ATG9B: variants seen among roughly 807,000 people sequenced by gnomAD.
ATG9B encodes the protein autophagy related 9B.
A neutral mutation model predicts 92.9 loss-of-function variants in ATG9B; 92 were observed. That is an observed-to-expected ratio of 0.99 (90% CI 0.84 to 1.18). The LOEUF is 1.18. Ranked by LOEUF, ATG9B falls within the 50% of genes most tolerant of loss-of-function variation. ATG9B has a pLI of 0.00. For synonymous variants in ATG9B, 599 were observed against 551.4 expected (o/e 1.09, Z -1.21); for missense variants, 1,344 against 1,235.0 (o/e 1.09, Z -1.32).
downstream of ATG9B, chr7:151,014,285 A>G: frequency 9.5e-7 from 1 of 1,053,684 alleles, no homozygotes; most frequent in Non-Finnish European, 1.3e-6. Flanking sequence ...ACATCTGTCC[A>G]GAGGCTGCAA....
At chr7:151,012,318 A>C (rs1159446195), downstream of ATG9B, 2 of 1,534,934 alleles carry the variant, frequency 1.3e-6, no homozygotes. Context: ...CAGGAAAGGC[A>C]AAGGGGACCT....
At chr7:151,013,772 C>T (rs1317099509), downstream of ATG9B, 19 of 1,611,362 alleles carry the variant, frequency 1.2e-5, no homozygotes, top group Non-Finnish European at 1.6e-5. Context: ...GGAGGTGCAC[C>T]GCGTGCTGTG....
Position 151,015,710 on chromosome 7 carries a change from G to A in ATG9B, c.*18C>T. The A allele has an allele frequency of 1.1e-6, 1 of 880,922 alleles. No individual in the cohort carries two copies. Among genetic ancestry groups the A allele is most frequent in the Non-Finnish European group, 1.6e-6 (1 of 626,868 alleles). 54.6% of individuals were successfully genotyped at this position (880,922 alleles called of 1,614,324 possible). ...ATCTCCTGTGGCTGCCGAAGCCAGG[G>A]TACCTGTGGGAGGAGACGGCTCTTG... On this transcript the variant is annotated 3_prime_UTR_variant, in exon 14 of 14. Transcript: ENST00000639579.
In ATG9B at chr7:151,019,086, GC is replaced by G. The variant is rs1795647284; in HGVS notation, c.1251del (p.Glu417AspfsTer15). On this transcript the variant is annotated frameshift_variant, in exon 6 of 14. Coordinates refer to ENST00000639579, the MANE Select transcript of ATG9B (RefSeq NM_001317056.2). LOFTEE classifies it high-confidence loss of function. ...GPFSLFRGGW[E>X]LPHAYKRSDQ... ...TCGCTGCGCTTGTAGGCGTGCGGCA[GC>G]TCCCAGCCCCCGCGGAAGAGCGAGA... 18 of 1,535,810 alleles carry G rather than the reference GC, an allele frequency of 1.2e-5. No homozygotes were observed. The highest frequency in any genetic ancestry group is 1.5e-5 in the Non-Finnish European group (17 of 1,146,468).
At chr7:151,012,354 T>C (rs1019475679), downstream of ATG9B, 1 of 1,560,684 alleles carries the variant, frequency 6.4e-7, no homozygotes, top group African/African-American at 1.3e-5. Context: ...CTGCCAGGGC[T>C]CCCTCCTTCC....
Position 151,018,348 on chromosome 7 carries a change from G to A in ATG9B, c.1818C>T (p.Pro606=), listed in dbSNP as rs769023129. Residue 606 remains proline (P), a synonymous_variant, in exon 7 of 14, where the codon CCC becomes CCT. Coordinates refer to ENST00000639579, the MANE Select transcript of ATG9B (RefSeq NM_001317056.2). The surrounding 1 kb of genome is among the most constrained non-coding windows in gnomAD (Gnocchi z 4.7). ...GCCGGTAGGCGCGGTCCCTGCCGCC[G>A]GGGCCGGGCTCCTCCGGGAGGTAGT... The part of the protein sequence containing the change: ...HMHYLPEEPG[P]GGRDRAYRQM... 1 of 1,596,730 alleles carries A rather than the reference G, an allele frequency of 6.3e-7. No homozygotes were observed. The highest frequency in any genetic ancestry group is 8.5e-7 in the Non-Finnish European group (1 of 1,173,954).
rs1185505119 is a variant in ATG9B at position 151,016,514 on chromosome 7, C to T, written c.2437G>A (p.Gly813Arg). 7 of 1,550,986 alleles carry T rather than the reference C, an allele frequency of 4.5e-6. No homozygotes were observed. Among genetic ancestry groups the T allele is most frequent in the Non-Finnish European group, 6.1e-6 (7 of 1,146,948 alleles). ...IAQDPSSVSP[G>R]GTGGQKLAQL... is the part of the protein sequence containing the mutation. ...GCCAGCTTCTGGCCCCCAGTGCCTC[C>T]TGGGGACACAGAGCTGGAACATAAC... The change falls in exon 11 of 14, where the codon GGA (glycine) becomes AGA (arginine). Residue 813 changes from glycine (G) to arginine (R), a missense_variant. Gly to Arg is a moderately radical substitution (Grantham distance 125). Coordinates refer to ENST00000639579, the MANE Select transcript of ATG9B (RefSeq NM_001317056.2).
rs769253185 is a variant in ATG9B at position 151,015,940 on chromosome 7, TG to T, written c.2730del (p.Thr911GlnfsTer34). 76 of 1,551,672 alleles carry T rather than the reference TG, an allele frequency of 4.9e-5. No individual in the cohort carries two copies. The East Asian group carries it at 8.8e-4, about 18-fold the overall frequency. On this transcript the variant is annotated frameshift_variant, in exon 13 of 14. Coordinates refer to ENST00000639579, the MANE Select transcript of ATG9B (RefSeq NM_001317056.2). LOFTEE classifies it high-confidence loss of function. ...CGGTCAGGCTCCTTCTGGGTGTCTG[TG>T]GTCACCTGAAACCCTCCGGGGAACA... Reference protein sequence around the residue: ...RNLFPGGFQVTTDTQKEPDRA... With the variant: ...RNLFPGGFQVXTDTQKEPDRA...
Position 151,016,725 on chromosome 7 carries a change from G to A in ATG9B, c.2386C>T (p.Leu796Phe). 1 of 1,610,758 alleles carries A rather than the reference G, an allele frequency of 6.2e-7. No homozygotes were observed. Among genetic ancestry groups the A allele is most frequent in the Non-Finnish European group, 8.5e-7 (1 of 1,178,510 alleles). The change falls in exon 10 of 14, where the codon CTC becomes TTC. Residue 796 changes from leucine to phenylalanine, a missense_variant. Leu to Phe is a conservative substitution (Grantham distance 22). Transcript: ENST00000639579. ...APCPAAATAS[L>F]LASISRIAQD... is the part of the protein sequence containing the mutation. Reference sequence around the variant, plus strand: ...GCAATTCGGGAAATGGAGGCAAGGAGGCTGGCTGTGGCCGCAGCTGGACAG... The same window carrying A: ...GCAATTCGGGAAATGGAGGCAAGGAAGCTGGCTGTGGCCGCAGCTGGACAG...
chr7:151,012,597 G>A (rs376032615), downstream of ATG9B: 44 of 1,235,526 alleles, frequency 3.6e-5, 1 homozygote, highest in Middle Eastern at 6.4e-4. Flanking sequence ...CTGAAAAGAC[G>A]CTCATGAGAC....
Position 151,018,248 on chromosome 7 carries a change from A to G in ATG9B, c.1872+46T>C. On this transcript the variant is annotated intron_variant, in intron 7 of 13. Coordinates refer to ENST00000639579, the MANE Select transcript of ATG9B (RefSeq NM_001317056.2). This position sits in a 1 kb window ranked among gnomAD's most constrained non-coding sequence, Gnocchi z 4.7. ...GCGCAGACAGACCCTCCGCGCAGAC[A>G]GACCCCACAACTTCCTCCTCAGCCC... is the stretch of plus-strand genomic sequence containing the variant. The G allele has an allele frequency of 1.3e-6, 2 of 1,510,986 alleles. No homozygotes were observed. Among genetic ancestry groups the G allele is most frequent in the Non-Finnish European group, 1.8e-6 (2 of 1,139,024 alleles). 93.6% of individuals were successfully genotyped at this position (1,510,986 alleles called of 1,614,324 possible).
At position 151,023,468 on chromosome 7, in the gene ATG9B, C is replaced by G; in HGVS notation, c.636G>C (p.Leu212Phe). Residue 212 changes from leucine to phenylalanine, a missense_variant, in exon 3 of 14, where the codon TTG (leucine) becomes TTC (phenylalanine). Coordinates refer to ENST00000639579, the MANE Select transcript of ATG9B (RefSeq NM_001317056.2). ...YHQRNGFACI[L>F]LEDVFQLGQF... ...ACCCCAGCTGGAAGACATCCTCCAGCAAGATGCAGGCAAAGCCATTCCGCT... is the reference window on the plus strand; with the variant it reads ...ACCCCAGCTGGAAGACATCCTCCAGGAAGATGCAGGCAAAGCCATTCCGCT... 1 of 1,613,110 alleles carries G rather than the reference C, an allele frequency of 6.2e-7. No individual in the cohort carries two copies. Among genetic ancestry groups the G allele is most frequent in the South Asian group, 1.1e-5 (1 of 90,908 alleles).
rs761367878 is a variant in ATG9B, at chr7:151,016,211, C to CCTGCTG, written c.2539_2544dup (p.Gln847_Gln848dup). The CCTGCTG allele has an allele frequency of 2.0e-5, 30 of 1,496,702 alleles. No homozygotes were observed. Among genetic ancestry groups the CCTGCTG allele is most frequent in the East Asian group, 5.0e-5 (2 of 40,380 alleles). 92.7% of individuals were successfully genotyped at this position (1,496,702 alleles called of 1,614,324 possible). ...GAGGCTGCAGCCTCACCCCACGGCT[C>CCTGCTG]CTGCTGCTGCTGCTGCTGGTGAAGC... On this transcript the variant is annotated inframe_insertion, in exon 12 of 14. Transcript: ENST00000639579.
chr7:151,023,910 G>C lies in ATG9B; in HGVS notation c.514C>G (p.Gln172Glu), dbSNP rs1563267421. 6.2e-7 allele frequency: 1 copy of C among 1,604,930 alleles called. No homozygotes were observed. The highest frequency in any genetic ancestry group is 1.7e-5 in the Admixed American group (1 of 58,814). The change falls in exon 1 of 14, where the codon CAG (glutamine) becomes GAG (glutamate). Residue 172 changes from glutamine to glutamate, a missense_variant. By Grantham distance (29) the Gln-to-Glu change is conservative (BLOSUM62 2). Transcript: ENST00000639579. The part of the protein sequence containing the change: ...SQDSPIHGEE[Q>E]QPLLHVPEGL... ...TCAGGGACATGAAGCAGGGGTTGCT[G>C]CTCCTCCCCGTGGATGGGTGAGTCT...
intron 8 of ATG9B, 54 bp from the exon 9 acceptor site, chr7:151,017,326 A>T: frequency 2.0e-6 from 3 of 1,493,386 alleles, no homozygotes; most frequent in Middle Eastern, 1.8e-4. Context: ...TTATGGGAAC[A>T]GGTGGGACAG....
chr7:151,013,782 G>T (rs1486533845), downstream of ATG9B: 10 of 1,611,432 alleles, frequency 6.2e-6, no homozygotes, highest in Non-Finnish European at 6.8e-6. Context: ...CGCGTGCTGT[G>T]CCTCGAGCGG....
At chr7:151,013,500 C>T (rs1795354804), downstream of ATG9B, 3 of 1,302,824 alleles carry the variant, frequency 2.3e-6, no homozygotes, top group South Asian at 1.4e-5. Context: ...ACTCAGCCAC[C>T]CCTGCACACT....
At chr7:151,013,984 A>T, downstream of ATG9B, 1 of 1,609,328 alleles carries the variant, frequency 6.2e-7, no homozygotes, top group Non-Finnish European at 8.5e-7. Context: ...TCGGGTTCTG[A>T]TCCACTGTGC....
downstream of ATG9B, chr7:151,013,591 A>T: frequency 1.6e-6 from 1 of 624,254 alleles, no homozygotes; most frequent in East Asian, 6.2e-5. Context: ...GCCCCTGTTG[A>T]CACCGCCCCA....
Sources: allele counts gnomAD v4.1 joint callset, GRCh38; gene constraint gnomAD v4.1.1; non-coding constraint Gnocchi (gnomAD v3.1); transcripts MANE v1.5; gene names NCBI Gene and HGNC (gene_info 2026-07-23, HGNC 2026-07-21).